NCOA2: variants seen among roughly 807,000 people sequenced by gnomAD.
NCOA2 encodes class E basic helix-loop-helix protein 75.
A neutral mutation model predicts 145.1 loss-of-function variants in NCOA2; 21 were observed. The observed-to-expected ratio is 0.14, with a 90% CI of 0.10 to 0.21. The LOEUF is 0.21. NCOA2 is among the 10% of genes least tolerant of loss of function. The pLI is 1.00. For missense variants in NCOA2, 1,472 were observed against 1,837.6 expected (o/e 0.80, Z 3.64); for synonymous variants, 619 against 637.5 (o/e 0.97, Z 0.44).
chr8:70,290,898 G>A (rs1826629315), intron 2 of NCOA2, among the ~76,000 whole-genome samples: 1 of 152,000 alleles, frequency 6.6e-6, no homozygotes, highest in African/African-American at 2.4e-5. Flanking sequence ...GGCAAAGTTA[G>A]CTGACTCAAA....
chr8:70,301,467 C>A (rs553535186), intron 1 of NCOA2, among the ~76,000 whole-genome samples: 1 of 151,548 alleles, frequency 6.6e-6, no homozygotes, highest in Non-Finnish European at 1.5e-5. Flanking sequence ...CAGCTTGGGG[C>A]AACAAGGTAA....
intron 4 of NCOA2, among the ~76,000 whole-genome samples, chr8:70,177,108 G>A (rs913216219): frequency 6.6e-6 from 1 of 152,122 alleles, no homozygotes; most frequent in Non-Finnish European, 1.5e-5. Flanking sequence ...TATTCACAGG[G>A]GTCGCATCAG....
intron 5 of NCOA2, among the ~76,000 whole-genome samples, chr8:70,172,090 G>C (rs887324480): frequency 2.0e-5 from 3 of 152,102 alleles, no homozygotes; most frequent in African/African-American, 7.2e-5. Flanking sequence ...CCTCACAAAG[G>C]GGTGAAATTA....
In NCOA2 at chr8:70,329,722, C is replaced by T. The variant is rs115909953; in HGVS notation, c.-76-32922G>A. On this transcript the variant is annotated intron_variant, in intron 1 of 22. Coordinates refer to ENST00000452400, the MANE Select transcript of NCOA2 (RefSeq NM_006540.4). ...ATTAATATATTCATATAATGGAATA[C>T]TACAAAGCAATGTAAACAAAAGCAC... 9.3e-3 allele frequency among the ~76,000 whole-genome samples: 1,421 copies of T among 152,246 alleles called. 22 individuals are homozygous for T. The highest frequency in any genetic ancestry group is 0.032 in the African/African-American group (1,324 of 41,546).
At chr8:70,328,137 C>A (rs1408584845) in intron 1 of NCOA2, among the ~76,000 whole-genome samples, 1 of 152,180 alleles carries the variant, frequency 6.6e-6, no homozygotes, top group Admixed American at 6.5e-5. Context: ...ACCTGAGACA[C>A]ATACAGAAAA....
rs184341089 is a variant in NCOA2, at chr8:70,357,832, C to T, written c.-77+45868G>A. On this transcript the variant is annotated intron_variant, in intron 1 of 22. Transcript: ENST00000452400. ...TTGGGAGGCCAAGGCGAGTGGATCA[C>T]CCGAAGTCAGGAGTTCAATACCAGC... Among the ~76,000 whole-genome samples, 145 of 152,180 alleles carry T rather than the reference C, an allele frequency of 9.5e-4. 1 individual carries two copies. In the East Asian group the frequency reaches 0.016, roughly 17 times the overall value.
intron 6 of NCOA2, among the ~76,000 whole-genome samples, chr8:70,169,522 T>C (rs1813993246): frequency 6.6e-6 from 1 of 152,234 alleles, no homozygotes; most frequent in Admixed American, 6.5e-5. Context: ...AAACTTCTCA[T>C]GACCTTTGAC....
At chr8:70,308,018 G>A (rs1216254795) in intron 1 of NCOA2, among the ~76,000 whole-genome samples, 1 of 152,016 alleles carries the variant, frequency 6.6e-6, no homozygotes, top group Non-Finnish European at 1.5e-5. Context: ...GCCATAAAAT[G>A]TAGATTTTAA....
At chr8:70,160,002 A>G (rs1021136967) in intron 9 of NCOA2, among the ~76,000 whole-genome samples, 3 of 152,248 alleles carry the variant, frequency 2.0e-5, no homozygotes, top group Non-Finnish European at 4.4e-5. Flanking sequence ...AATGGTAGAA[A>G]ACAACACAAT....
intron 1 of NCOA2, among the ~76,000 whole-genome samples, chr8:70,394,400 C>A (rs1001660578): frequency 5.9e-5 from 9 of 152,318 alleles, no homozygotes; most frequent in African/African-American, 2.2e-4. Flanking sequence ...GGTGATCCGC[C>A]CACCTCGGCC....
At chr8:70,259,329 T>C (rs909850241) in intron 2 of NCOA2, among the ~76,000 whole-genome samples, 4 of 152,222 alleles carry the variant, frequency 2.6e-5, no homozygotes, top group African/African-American at 9.6e-5. Flanking sequence ...ATTCATGTTA[T>C]ATCATGGTTA....
chr8:70,406,967 G>T (rs574044506), upstream of NCOA2, among the ~76,000 whole-genome samples: 223 of 152,238 alleles, frequency 1.5e-3, no homozygotes, highest in Non-Finnish European at 2.4e-3. Flanking sequence ...ACTAAATATC[G>T]CAATTTCCTC....
chr8:70,139,319 C>G (rs1038348191), intron 14 of NCOA2, among the ~76,000 whole-genome samples: 3 of 152,136 alleles, frequency 2.0e-5, no homozygotes, highest in Non-Finnish European at 2.9e-5. Context: ...AGCTCAAGAG[C>G]CAGATGCTCT....
At chr8:70,191,136 T>C (rs1293672441) in intron 4 of NCOA2, among the ~76,000 whole-genome samples, 1 of 152,132 alleles carries the variant, frequency 6.6e-6, no homozygotes, top group African/African-American at 2.4e-5. Context: ...ACTCCAAGGG[T>C]CATTTCAAAA....
intron 1 of NCOA2, among the ~76,000 whole-genome samples, chr8:70,389,771 C>T (rs1263178421): frequency 2.0e-5 from 3 of 151,976 alleles, no homozygotes; most frequent in Non-Finnish European, 4.4e-5. Flanking sequence ...CAGGTTCATG[C>T]GATTCTCCTG....
In NCOA2 at chr8:70,128,470, T is replaced by G. The variant is rs368382490; in HGVS notation, c.3644A>C (p.Asn1215Thr). ...TCCAGGCCTCAGAGTCAAGTTCACATTGGAAACATTGCTGATTTGATTCAT... is the reference window on the plus strand; with the variant it reads ...TCCAGGCCTCAGAGTCAAGTTCACAGTGGAAACATTGCTGATTTGATTCAT... ...PLMNQISNVSNVNLTLRPGVP... is the reference protein window; with the variant it reads ...PLMNQISNVSTVNLTLRPGVP... Residue 1215 changes from asparagine (N) to threonine (T), a missense_variant, in exon 18 of 23, where the codon AAT (asparagine) becomes ACT (threonine). Physicochemically the swap from Asn to Thr is moderately conservative, Grantham distance 65. This residue lies in a region of NCOA2 where 953 missense variants were observed against 1,062.1 expected (regional missense o/e 0.90). Coordinates refer to ENST00000452400, the MANE Select transcript of NCOA2 (RefSeq NM_006540.4). The G allele has an allele frequency of 2.5e-6, 4 of 1,612,950 alleles. No individual in the cohort carries two copies.
intron 2 of NCOA2, among the ~76,000 whole-genome samples, chr8:70,218,951 G>A (rs962001754): frequency 6.6e-5 from 10 of 152,070 alleles, no homozygotes; most frequent in Non-Finnish European, 1.5e-4. Context: ...TTATCAGAAA[G>A]ATCAGAAAGC....
the NCOA2 span, among the ~76,000 whole-genome samples, chr8:70,433,650 G>C: frequency 6.6e-6 from 1 of 152,204 alleles, no homozygotes; most frequent in East Asian, 1.9e-4. Flanking sequence ...AGACAGAAGT[G>C]ATAAGACTGT....
intron 19 of NCOA2, 124 bp from the exon 20 acceptor site, chr8:70,124,989 G>C (rs1369232515): frequency 2.9e-5 from 20 of 684,872 alleles, no homozygotes; most frequent in Non-Finnish European, 4.3e-5. Flanking sequence ...ATATATGATT[G>C]TGTACTGATT....
Sources: allele counts gnomAD v4.1 joint callset (sites outside exome capture counted in the v4.1 genomes callset), GRCh38; gene constraint gnomAD v4.1.1; regional missense constraint gnomAD v4.1.1; transcripts MANE v1.5; gene names NCBI Gene and HGNC (gene_info 2026-07-23, HGNC 2026-07-21).